The following GRIA2 variants were observed in gnomAD, a reference collection of about 807,000 sequenced individuals.
GRIA2 encodes glutamate ionotropic receptor AMPA type subunit 2.
Under a neutral mutation model 97.3 loss-of-function variants are expected in GRIA2, and 14 were observed. The ratio of observed to expected loss-of-function variants is 0.14; its 90% CI spans 0.10 to 0.23. The LOEUF is 0.23. Ranked by LOEUF, GRIA2 falls within the 10% of genes least tolerant of loss-of-function variation. The pLI is 1.00. For synonymous variants in GRIA2, 412 were observed against 387.8 expected, an observed-to-expected ratio of 1.06 and a Z score of -0.73; for missense variants, 558 against 1,069.8, an observed-to-expected ratio of 0.52 and a Z score of 6.67.
chr4:157,245,484 G>A (rs918123389), intron 2 of GRIA2, among the ~76,000 whole-genome samples: 1 of 151,878 alleles, frequency 6.6e-6, no homozygotes, highest in Non-Finnish European at 1.5e-5. Context: ...TGATTTCTAA[G>A]TGAATTAAGA....
At chr4:157,314,995 A>G (rs1166636520) in intron 4 of GRIA2, among the ~76,000 whole-genome samples, 1 of 152,232 alleles carries the variant, frequency 6.6e-6, no homozygotes, top group Admixed American at 6.5e-5. Flanking sequence ...TTAAAATGCA[A>G]TGTAGTCTAG....
chr4:157,234,740 T>C (rs1730169265), intron 2 of GRIA2, among the ~76,000 whole-genome samples: 1 of 152,078 alleles, frequency 6.6e-6, no homozygotes, highest in African/African-American at 2.4e-5. Flanking sequence ...TTTTCACAAG[T>C]TTATTCCCCA....
At chr4:157,302,295 T>G (rs1013877933) in intron 2 of GRIA2, among the ~76,000 whole-genome samples, 1 of 152,136 alleles carries the variant, frequency 6.6e-6, no homozygotes, top group African/African-American at 2.4e-5. Flanking sequence ...AAAGTAACCC[T>G]TTTTCTCGAA....
Position 157,363,549 on chromosome 4 carries a change from T to A in GRIA2, c.*118T>A. The A allele has an allele frequency of 8.1e-7, 1 of 1,235,868 alleles. No individual in the cohort carries two copies. Among genetic ancestry groups the A allele is most frequent in the Non-Finnish European group, 1.0e-6 (1 of 988,978 alleles). The allele number at this position is 1,235,868 out of a possible 1,614,324, so 76.6% of individuals were successfully genotyped here. ...TCCCAAAGCAGTGCATGCTGTCCCT[T>A]ACGTGAGTCCTGGCATGGGAATGAA... On this transcript the variant is annotated 3_prime_UTR_variant, in exon 16 of 16. Coordinates refer to ENST00000264426, the MANE Select transcript of GRIA2 (RefSeq NM_001083619.3).
intron 11 of GRIA2, among the ~76,000 whole-genome samples, chr4:157,337,240 A>G (rs1173863427): frequency 6.6e-6 from 1 of 151,980 alleles, no homozygotes; most frequent in East Asian, 1.9e-4. Context: ...TTTTTTTTCT[A>G]GGTGAGGTTG....
intron 2 of GRIA2, among the ~76,000 whole-genome samples, chr4:157,297,182 G>C (rs1018123061): frequency 6.6e-6 from 1 of 152,128 alleles, no homozygotes; most frequent in African/African-American, 2.4e-5. Context: ...TGTCATGAGA[G>C]CTGGAGAGCA....
chr4:157,236,378 T>G (rs537518363), intron 2 of GRIA2, among the ~76,000 whole-genome samples: 1 of 152,214 alleles, frequency 6.6e-6, no homozygotes, highest in East Asian at 1.9e-4. Context: ...ATATACACTG[T>G]TCTTTATCTT....
chr4:157,248,139 C>T (rs1055856982), intron 2 of GRIA2, among the ~76,000 whole-genome samples: 11 of 150,726 alleles, frequency 7.3e-5, no homozygotes, highest in Admixed American at 4.6e-4. Flanking sequence ...GATATCCAGT[C>T]GATAGTCTAT....
At chr4:157,292,938 C>T (rs543228945) in intron 2 of GRIA2, among the ~76,000 whole-genome samples, 23 of 152,084 alleles carry the variant, frequency 1.5e-4, no homozygotes, top group Non-Finnish European at 2.5e-4. Context: ...TAAGTTAATA[C>T]ATAAAATATA....
intron 4 of GRIA2, among the ~76,000 whole-genome samples, chr4:157,315,920 A>G (rs1013476133): frequency 2.6e-5 from 4 of 152,196 alleles, no homozygotes; most frequent in African/African-American, 9.7e-5. Context: ...AAACATTTAT[A>G]AATTAATATA....
chr4:157,315,227 C>A (rs1734257799), intron 4 of GRIA2, among the ~76,000 whole-genome samples: 1 of 151,880 alleles, frequency 6.6e-6, no homozygotes, highest in African/African-American at 2.4e-5. Context: ...AATGTATTTA[C>A]AGAAATTAAT....
chr4:157,355,956 TATTTATG>T, intron 12 of GRIA2, among the ~76,000 whole-genome samples: 1 of 43,958 alleles, frequency 2.3e-5, no homozygotes, highest in African/African-American at 6.9e-5. Context: ...TATATTTATA[TATTTATG>T]TATATTAATA....
At position 157,312,890 on chromosome 4, in the gene GRIA2, G is replaced by C; in HGVS notation, c.666+15G>C. On this transcript the variant is annotated intron_variant, in intron 4 of 15. Coordinates refer to ENST00000264426, the MANE Select transcript of GRIA2 (RefSeq NM_001083619.3). Reference sequence around the variant, plus strand: ...TTGTAGACCAGGTTTGCTACTTTCTGTTTTCTAATGATGCCAGATATAGAA... The same window carrying C: ...TTGTAGACCAGGTTTGCTACTTTCTCTTTTCTAATGATGCCAGATATAGAA... 1 of 1,448,172 alleles carries C rather than the reference G, an allele frequency of 6.9e-7. No individual in the cohort carries two copies. Among genetic ancestry groups the C allele is most frequent in the African/African-American group, 1.4e-5 (1 of 70,382 alleles). The allele number at this position is 1,448,172 out of a possible 1,614,324, so 89.7% of individuals were successfully genotyped here.
intron 6 of GRIA2, among the ~76,000 whole-genome samples, chr4:157,324,679 C>G (rs1468374077): frequency 6.6e-6 from 1 of 152,028 alleles, no homozygotes; most frequent in Non-Finnish European, 1.5e-5. Context: ...TATTTGGGAC[C>G]AGTGAGGAGG....
chr4:157,285,698 A>G (rs1297956601), intron 2 of GRIA2, among the ~76,000 whole-genome samples: 1 of 151,324 alleles, frequency 6.6e-6, no homozygotes, highest in Non-Finnish European at 1.5e-5. Flanking sequence ...TTATATGTGG[A>G]TTGGCTTCTA....
intron 2 of GRIA2, among the ~76,000 whole-genome samples, chr4:157,268,777 C>CT: frequency 6.6e-6 from 1 of 151,690 alleles, no homozygotes; most frequent in Middle Eastern, 3.5e-3. Flanking sequence ...TCAGGGAATG[C>CT]TTTTTTTCTT....
intron 2 of GRIA2, among the ~76,000 whole-genome samples, chr4:157,268,896 C>A (rs1287610076): frequency 2.0e-5 from 3 of 151,928 alleles, no homozygotes; most frequent in Admixed American, 2.0e-4. Context: ...GACCTTTTCT[C>A]TTTTTGAATT....
At chr4:157,348,917 A>G (rs970791571) in intron 12 of GRIA2, among the ~76,000 whole-genome samples, 4 of 152,222 alleles carry the variant, frequency 2.6e-5, no homozygotes, top group African/African-American at 9.6e-5. Context: ...ATATAAGATT[A>G]CCTTTTCTTA....
chr4:157,259,030 T>C (rs1050750355), intron 2 of GRIA2, among the ~76,000 whole-genome samples: 1 of 152,008 alleles, frequency 6.6e-6, no homozygotes, highest in Non-Finnish European at 1.5e-5. Flanking sequence ...GAGACCAGCC[T>C]GGGTAATATG....
Sources: allele counts gnomAD v4.1 joint callset (sites outside exome capture counted in the v4.1 genomes callset), GRCh38; gene constraint gnomAD v4.1.1; transcripts MANE v1.5; gene names NCBI Gene and HGNC (gene_info 2026-07-23, HGNC 2026-07-21).